The following AACS variants were observed in gnomAD, a reference collection of about 807,000 sequenced individuals.
The protein encoded by AACS is acetoacetyl-CoA synthetase, also known as acetoacetate-CoA ligase.
A neutral mutation model predicts 83.1 loss-of-function variants in AACS; 69 were observed. That is an observed-to-expected ratio of 0.83 (90% confidence interval 0.68 to 1.01). AACS has a LOEUF of 1.01. Ranked by LOEUF, AACS falls within the 50% of genes least tolerant of loss-of-function variation. The probability of loss-of-function intolerance (pLI) is 0.00; values close to 1 mark genes in which losing one functional copy is unlikely to be tolerated. For synonymous variants in AACS, 333 were observed against 343.4 expected (o/e 0.97, Z 0.33); for missense variants, 866 against 882.2 (o/e 0.98, Z 0.23).
intron 7 of AACS, among the ~76,000 whole-genome samples, chr12:125,106,887 A>G (rs1173566651): frequency 6.6e-6 from 1 of 152,218 alleles, no homozygotes; most frequent in Non-Finnish European, 1.5e-5. Context: ...AGCAGTGCTG[A>G]TTAAGCAACT....
chr12:125,123,127 C>T (rs758336478), intron 10 of AACS: 2 of 152,274 alleles, frequency 1.3e-5, no homozygotes, highest in African/African-American at 4.8e-5. Context: ...CTTAGACGCA[C>T]TTTAGACCCA....
At chr12:125,141,721 G>GA (rs1210322169) in intron 17 of AACS, 6 of 149,734 alleles carry the variant, frequency 4.0e-5, no homozygotes, top group South Asian at 1.9e-4. Context: ...GAAAAAAAAA[G>GA]AAAAAAAGAA....
intron 12 of AACS, chr12:125,125,925 A>T (rs1305614562): frequency 1.3e-5 from 2 of 151,738 alleles, no homozygotes; most frequent in Admixed American, 6.6e-5. Context: ...GTATGTATAT[A>T]TATGGGTGTA....
rs146789000 is a variant in AACS, at chr12:125,107,067, C to T, written c.768-54C>T. ...AGTGCACGGGTGGAATCAGTGGGTC[C>T]GGTCCAGCATTCTGGGACGTTCATG... On this transcript the variant is annotated intron_variant, in intron 7 of 17. Coordinates refer to ENST00000316519, the MANE Select transcript of AACS (RefSeq NM_023928.5). 11,887 of 1,610,216 alleles carry T rather than the reference C, an allele frequency of 7.4e-3. 65 individuals carry two copies. The highest frequency in any genetic ancestry group is 9.2e-3 in the South Asian group (838 of 90,692).
In AACS at chr12:125,113,132, A is replaced by T. The variant is rs1176419118; in HGVS notation, c.916-1345A>T. On this transcript the variant is annotated intron_variant, in intron 8 of 17. Coordinates refer to ENST00000316519, the MANE Select transcript of AACS (RefSeq NM_023928.5). This position sits in a 1 kb window ranked among gnomAD's most constrained non-coding sequence, Gnocchi z 4.8. ...TTGCCTGTTTGGGATGGACTCCGGA[A>T]TAGGAGTTTTGGCTCCTGAATGGGA... Among the ~76,000 whole-genome samples, 1 of 152,166 alleles carries T rather than the reference A, an allele frequency of 6.6e-6. No homozygotes were observed. The highest frequency in any genetic ancestry group is 1.9e-4 in the East Asian group (1 of 5,192).
rs1263939747 is a variant in AACS at position 125,129,117 on chromosome 12, C to T, written c.1424-218C>T. The stretch of plus-strand genomic sequence containing the variant: ...CATGGGAATAACAAATCACTACGTC[C>T]GAGACAGCGATTTTGGGGAGCACAC... On this transcript the variant is annotated intron_variant, in intron 13 of 17. Coordinates refer to ENST00000316519, the MANE Select transcript of AACS (RefSeq NM_023928.5). This position sits in a 1 kb window ranked among gnomAD's most constrained non-coding sequence, Gnocchi z 4.3. 10 of 496,902 alleles carry T rather than the reference C, an allele frequency of 2.0e-5. No homozygotes were observed. Among genetic ancestry groups the T allele is most frequent in the Non-Finnish European group, 3.1e-5 (9 of 294,538 alleles). The allele number at this position is 496,902 out of a possible 1,614,324, so 30.8% of individuals were successfully genotyped here. A position where few individuals can be genotyped will look rare whatever the true frequency, so the allele number is the denominator to read the frequency against.
At chr12:125,134,416 G>A (rs1321964500) in intron 15 of AACS, among the ~76,000 whole-genome samples, 1 of 152,184 alleles carries the variant, frequency 6.6e-6, no homozygotes, top group Admixed American at 6.5e-5. Context: ...GCGCATCCCT[G>A]TGCCAGCTTC....
In AACS at chr12:125,065,488, G is replaced by C; in HGVS notation, c.-97G>C. On this transcript the variant is annotated 5_prime_UTR_variant, in exon 1 of 18. Coordinates refer to ENST00000316519, the MANE Select transcript of AACS (RefSeq NM_023928.5). ...CTGACCCAGCCCGCCAGGCGCTCCT[G>C]ACCGTCGCTTCCTCCGGTCCCAGGT... 1 of 1,297,176 alleles carries C rather than the reference G, an allele frequency of 7.7e-7. No homozygotes were observed. The highest frequency in any genetic ancestry group is 1.0e-6 in the Non-Finnish European group (1 of 1,003,648). 80.4% of individuals were successfully genotyped at this position (1,297,176 alleles called of 1,614,324 possible).
At chr12:125,083,472 G>C (rs566755938) in intron 3 of AACS, among the ~76,000 whole-genome samples, 2 of 152,192 alleles carry the variant, frequency 1.3e-5, no homozygotes, top group South Asian at 4.1e-4. Flanking sequence ...CTTCCCATTT[G>C]TACAGTCTGT....
intron 12 of AACS, chr12:125,127,561 C>G (rs1957266175): frequency 1.3e-5 from 2 of 152,384 alleles, no homozygotes; most frequent in South Asian, 4.1e-4. Flanking sequence ...TGTGCCTCAG[C>G]CTCCTGAGTA....
chr12:125,126,500 G>C (rs994815564), intron 12 of AACS: 2 of 151,902 alleles, frequency 1.3e-5, no homozygotes, highest in African/African-American at 4.8e-5. Context: ...CACAGATGTA[G>C]TTTAGGGTAC....
In AACS at chr12:125,076,820, A is replaced by C. The variant is rs564583584; in HGVS notation, c.358+209A>C. On this transcript the variant is annotated intron_variant, in intron 3 of 17. Coordinates refer to ENST00000316519, the MANE Select transcript of AACS (RefSeq NM_023928.5). ...CTTTATGGGCAAAATGGAGATACTC[A>C]GTATTAAGTAACTAGCTTGTGTCAC... 5.3e-5 allele frequency among the ~76,000 whole-genome samples: 8 copies of C among 152,344 alleles called. No individual in the cohort carries two copies. In the South Asian group the frequency reaches 1.4e-3, roughly 28 times the overall value.
intron 1 of AACS, among the ~76,000 whole-genome samples, chr12:125,072,929 T>G (rs1040387854): frequency 8.5e-5 from 12 of 140,818 alleles, no homozygotes; most frequent in African/African-American, 1.3e-4. Flanking sequence ...GTTTTTTTTT[T>G]TTTTTTTTTT....
chr12:125,067,589 G>A (rs1955737888), intron 1 of AACS, among the ~76,000 whole-genome samples: 1 of 151,724 alleles, frequency 6.6e-6, no homozygotes, highest in Admixed American at 6.6e-5. Flanking sequence ...GCTGGAGTGC[G>A]ACGGCGCAAT....
chr12:125,133,377 C>CAGCT (rs1395249569), intron 14 of AACS, among the ~76,000 whole-genome samples: 1 of 152,208 alleles, frequency 6.6e-6, no homozygotes, highest in Non-Finnish European at 1.5e-5. Flanking sequence ...CTTCTCTGAA[C>CAGCT]AGCTGCACAT....
intron 9 of AACS, among the ~76,000 whole-genome samples, chr12:125,114,878 G>A (rs1034847561): frequency 1.3e-5 from 2 of 148,166 alleles, no homozygotes; most frequent in African/African-American, 5.0e-5. Flanking sequence ...GCGCCGGCCC[G>A]TGGCACATGG....
At chr12:125,125,167 C>T in intron 12 of AACS, 143 bp downstream of exon 12, 1 of 1,291,576 alleles carries the variant, frequency 7.7e-7, no homozygotes, top group South Asian at 1.5e-5. Flanking sequence ...TGATCTGAGG[C>T]AGTGATGTTC....
chr12:125,108,431 CA>C (rs1956879739), intron 8 of AACS, among the ~76,000 whole-genome samples: 2 of 152,198 alleles, frequency 1.3e-5, no homozygotes, highest in South Asian at 4.1e-4. Flanking sequence ...CCTGCTCTGA[CA>C]GCCTCATTTA....
At chr12:125,098,462 T>G (rs1288371209) in intron 5 of AACS, among the ~76,000 whole-genome samples, 1 of 151,560 alleles carries the variant, frequency 6.6e-6, no homozygotes, top group Non-Finnish European at 1.5e-5. Flanking sequence ...CCTTTTTTTT[T>G]TTTTTCTGAG....
Sources: allele counts gnomAD v4.1 joint callset (sites outside exome capture counted in the v4.1 genomes callset), GRCh38; gene constraint gnomAD v4.1.1; non-coding constraint Gnocchi (gnomAD v3.1); transcripts MANE v1.5; gene names NCBI Gene and HGNC (gene_info 2026-07-23, HGNC 2026-07-21).